The following COL24A1 variants were observed in gnomAD, a reference collection of about 807,000 sequenced individuals.
COL24A1 encodes the protein collagen alpha-1(XXIV) chain.
COL24A1 carries 224 observed loss-of-function variants against 253.9 expected under a neutral mutation model. That is an observed-to-expected ratio of 0.88 (90% CI 0.79 to 0.99). The LOEUF (loss-of-function observed/expected upper bound fraction) is 0.99, where lower values mean the gene tolerates loss of function less well. COL24A1 is among the 50% of genes least tolerant of loss of function. The pLI is 0.00. For missense variants in COL24A1, 2,131 were observed against 2,068.5 expected (o/e 1.03, Z -0.59); for synonymous variants, 685 against 673.7 (o/e 1.02, Z -0.26).
chr1:85,830,503 G>A (rs570868989), intron 43 of COL24A1, among the ~76,000 whole-genome samples: 3 of 152,140 alleles, frequency 2.0e-5, no homozygotes, highest in African/African-American at 4.8e-5. Context: ...GGGCAATGGC[G>A]GGTGCCCCTC....
At chr1:85,866,858 C>T (rs1410765660) in intron 37 of COL24A1, among the ~76,000 whole-genome samples, 1 of 152,050 alleles carries the variant, frequency 6.6e-6, no homozygotes, top group East Asian at 1.9e-4. Context: ...CACAGTTCTC[C>T]AGGTCTGAGG....
chr1:85,821,946 G>A (rs1470778655), intron 45 of COL24A1, among the ~76,000 whole-genome samples: 1 of 152,192 alleles, frequency 6.6e-6, no homozygotes, highest in East Asian at 1.9e-4. Context: ...CGGATCAAAT[G>A]TTGGACAGAA....
At chr1:86,100,758 T>TA (rs11420092) in intron 5 of COL24A1, among the ~76,000 whole-genome samples, 16,229 of 152,082 alleles carry the variant, frequency 0.11, 891 homozygotes, top group East Asian at 0.15. Context: ...AATTGGGTTA[T>TA]AAAAACTCTT....
chr1:86,023,857 T>C (rs1697777544), intron 14 of COL24A1, among the ~76,000 whole-genome samples: 1 of 152,142 alleles, frequency 6.6e-6, no homozygotes, highest in African/African-American at 2.4e-5. Flanking sequence ...GGTCTCCTTT[T>C]TCTTCTTTTT....
chr1:86,097,481 C>G (rs1484569979), intron 5 of COL24A1, among the ~76,000 whole-genome samples: 1 of 26,232 alleles, frequency 3.8e-5, no homozygotes, highest in Non-Finnish European at 9.5e-5. Context: ...CTCCTCCCTC[C>G]TCCTCCTCCC....
chr1:85,848,592 G>A (rs1024906989), intron 38 of COL24A1, among the ~76,000 whole-genome samples: 1 of 152,180 alleles, frequency 6.6e-6, no homozygotes, highest in Non-Finnish European at 1.5e-5. Context: ...TTACAGGTGT[G>A]AGCCACTGCG....
intron 53 of COL24A1, among the ~76,000 whole-genome samples, chr1:85,772,913 C>T (rs1006039022): frequency 6.6e-6 from 1 of 152,094 alleles, no homozygotes; most frequent in Non-Finnish European, 1.5e-5. Context: ...GTTGTCATTG[C>T]TTTTGGTGTT....
chr1:85,942,496 T>C lies in COL24A1; in HGVS notation c.2562+18753A>G, dbSNP rs1688844921. Among the ~76,000 whole-genome samples the C allele has an allele frequency of 2.0e-5, 3 of 152,314 alleles. No individual in the cohort carries two copies. In the South Asian group the frequency reaches 6.2e-4, roughly 32 times the overall value. On this transcript the variant is annotated intron_variant, in intron 24 of 59. Coordinates refer to ENST00000370571, the MANE Select transcript of COL24A1 (RefSeq NM_152890.7). ...TTATTGGTTATTTGGAGTTCTTGAA[T>C]TTTGGCTTTGCTACATTGTAGAATA...
intron 47 of COL24A1, among the ~76,000 whole-genome samples, chr1:85,788,939 T>C (rs1265629341): frequency 6.6e-6 from 1 of 152,184 alleles, no homozygotes; most frequent in Non-Finnish European, 1.5e-5. Context: ...TTTGTATCAG[T>C]ACCATGCTGC....
intron 53 of COL24A1, among the ~76,000 whole-genome samples, chr1:85,771,178 G>C (rs566559815): frequency 6.6e-6 from 1 of 151,884 alleles, no homozygotes; most frequent in African/African-American, 2.4e-5. Flanking sequence ...AGGTATATTC[G>C]TGCCATGGTG....
chr1:86,149,074 T>C (rs866313844), intron 1 of COL24A1, among the ~76,000 whole-genome samples: 1 of 152,214 alleles, frequency 6.6e-6, no homozygotes, highest in Non-Finnish European at 1.5e-5. Flanking sequence ...TTTGTATTTT[T>C]AGTAGAGACA....
At chr1:86,150,494 G>A (rs748644817) in intron 1 of COL24A1, among the ~76,000 whole-genome samples, 2 of 152,130 alleles carry the variant, frequency 1.3e-5, no homozygotes, top group African/African-American at 2.4e-5. Flanking sequence ...GGCAATTTTA[G>A]TTAGATGTCC....
At chr1:85,814,316 C>T (rs1183041738) in intron 47 of COL24A1, among the ~76,000 whole-genome samples, 1 of 152,138 alleles carries the variant, frequency 6.6e-6, no homozygotes, top group Non-Finnish European at 1.5e-5. Context: ...ATAAAACTAG[C>T]ATGACAGATT....
intron 47 of COL24A1, among the ~76,000 whole-genome samples, chr1:85,799,524 T>C (rs928836469): frequency 6.6e-6 from 1 of 152,024 alleles, no homozygotes; most frequent in Non-Finnish European, 1.5e-5. Context: ...GTTTGAGAAA[T>C]ACTTCTCTTA....
At chr1:85,898,464 C>T (rs945894459) in intron 28 of COL24A1, among the ~76,000 whole-genome samples, 1 of 152,160 alleles carries the variant, frequency 6.6e-6, no homozygotes, top group African/African-American at 2.4e-5. Flanking sequence ...AGCTCCGGCC[C>T]TACAATTTCT....
At chr1:86,040,957 A>T (rs186637667) in intron 12 of COL24A1, among the ~76,000 whole-genome samples, 1 of 152,172 alleles carries the variant, frequency 6.6e-6, no homozygotes, top group African/African-American at 2.4e-5. Flanking sequence ...TGTATTTAAG[A>T]CTGTCTTGGG....
intron 43 of COL24A1, among the ~76,000 whole-genome samples, chr1:85,827,856 TC>T (rs1674601182): frequency 6.6e-6 from 1 of 152,110 alleles, no homozygotes; most frequent in South Asian, 2.1e-4. Flanking sequence ...ATTTTGTTGA[TC>T]CTTTCAAAAA....
chr1:85,823,527 T>G lies in COL24A1; in HGVS notation c.3789+9A>C. 1 of 1,613,726 alleles carries G rather than the reference T, an allele frequency of 6.2e-7. No individual in the cohort carries two copies. Among genetic ancestry groups the G allele is most frequent in the Non-Finnish European group, 8.5e-7 (1 of 1,179,804 alleles). ...ACATCTCAAATTGCCTTAAATAATT[T>G]CAACTTACTTCAGATCCTCTCTCTC... On this transcript the variant is annotated intron_variant, in intron 45 of 59. Coordinates refer to ENST00000370571, the MANE Select transcript of COL24A1 (RefSeq NM_152890.7).
chr1:86,092,828 T>A (rs1299331817), intron 5 of COL24A1, among the ~76,000 whole-genome samples: 1 of 151,948 alleles, frequency 6.6e-6, no homozygotes, highest in Non-Finnish European at 1.5e-5. Context: ...ATCCACAAAA[T>A]TCTTTTTATT....
Sources: allele counts gnomAD v4.1 joint callset (sites outside exome capture counted in the v4.1 genomes callset), GRCh38; gene constraint gnomAD v4.1.1; transcripts MANE v1.5; gene names NCBI Gene and HGNC (gene_info 2026-07-23, HGNC 2026-07-21).